COL23A1: variants seen among roughly 807,000 people sequenced by gnomAD.
COL23A1 encodes collagen alpha-1(XXIII) chain.
Under a neutral mutation model 99.3 loss-of-function variants are expected in COL23A1, and 97 were observed. That is an observed-to-expected ratio of 0.98 (90% confidence interval 0.83 to 1.16). COL23A1 has a LOEUF of 1.16. Among genes scored for constraint, COL23A1 ranks in the 50% most tolerant of loss-of-function variants. The pLI is 0.00. For synonymous variants in COL23A1, 320 were observed against 308.2 expected (o/e 1.04, Z -0.40); for missense variants, 762 against 757.4 (o/e 1.01, Z -0.07).
intron 2 of COL23A1, among the ~76,000 whole-genome samples, chr5:178,490,487 T>C (rs1437032364): frequency 1.3e-5 from 2 of 152,136 alleles, no homozygotes; most frequent in East Asian, 3.9e-4. Flanking sequence ...GAGTTTCAGT[T>C]GCGGAAGATG....
chr5:178,381,888 G>A (rs758626216), intron 2 of COL23A1, among the ~76,000 whole-genome samples: 3 of 152,146 alleles, frequency 2.0e-5, no homozygotes, highest in South Asian at 2.1e-4. Flanking sequence ...CTTCCGCCTC[G>A]GCTTCCCAAA....
Position 178,238,734 on chromosome 5 carries a change from G to A in COL23A1, c.1621-34C>T, listed in dbSNP as rs1764235360. On this transcript the variant is annotated intron_variant, in intron 28 of 28. Transcript: ENST00000390654. The stretch of plus-strand genomic sequence containing the variant: ...GGAGGAAGAGACTGAAGGTGACGAG[G>A]AGCCCGAGAAGCTCCGCCCCCATCC... The A allele has an allele frequency of 5.6e-6, 9 of 1,612,150 alleles. No individual in the cohort carries two copies. In the East Asian group the frequency reaches 1.6e-4, roughly 28 times the overall value.
chr5:178,546,566 G>T (rs1352952130), intron 2 of COL23A1, among the ~76,000 whole-genome samples: 1 of 152,208 alleles, frequency 6.6e-6, no homozygotes, highest in Non-Finnish European at 1.5e-5. Context: ...CCGTCCCAGG[G>T]CCTGGCTGCG....
At chr5:178,473,449 T>A (rs1756865818) in intron 2 of COL23A1, among the ~76,000 whole-genome samples, 1 of 143,650 alleles carries the variant, frequency 7.0e-6, no homozygotes, top group Admixed American at 7.1e-5. Flanking sequence ...CATGAGCCAC[T>A]ACATCCGGCT....
In COL23A1 at chr5:178,553,878, G is replaced by A. The variant is rs532770440; in HGVS notation, c.361+6804C>T. On this transcript the variant is annotated intron_variant, in intron 2 of 28. Coordinates refer to ENST00000390654, the MANE Select transcript of COL23A1 (RefSeq NM_173465.4). ...TGTGTCTCTTCTCCCTTCCTCTCTG[G>A]CAGCTCCCGACTGATGGCGACGGAC... Among the ~76,000 whole-genome samples, 11 of 152,180 alleles carry A rather than the reference G, an allele frequency of 7.2e-5. 1 individual carries two copies. In the South Asian group the frequency reaches 2.3e-3, roughly 32 times the overall value.
At chr5:178,481,693 A>G (rs1757348392) in intron 2 of COL23A1, among the ~76,000 whole-genome samples, 2 of 151,996 alleles carry the variant, frequency 1.3e-5, no homozygotes, top group African/African-American at 4.8e-5. Flanking sequence ...ACCCATTAGT[A>G]TAGCTATGAT....
At chr5:178,442,138 C>G (rs1766904681) in intron 2 of COL23A1, among the ~76,000 whole-genome samples, 1 of 151,976 alleles carries the variant, frequency 6.6e-6, no homozygotes, top group Non-Finnish European at 1.5e-5. Context: ...TTCTCCTCTT[C>G]CCCTTGGCCA....
chr5:178,276,951 C>T (rs987559433), intron 5 of COL23A1, among the ~76,000 whole-genome samples: 2 of 152,198 alleles, frequency 1.3e-5, no homozygotes, highest in Non-Finnish European at 2.9e-5. Flanking sequence ...CAGAGACTTG[C>T]CCCTCATGTG....
chr5:178,359,394 G>C (rs1402335042), intron 2 of COL23A1, among the ~76,000 whole-genome samples: 1 of 152,298 alleles, frequency 6.6e-6, no homozygotes, highest in Non-Finnish European at 1.5e-5. Context: ...TGGATGTGGT[G>C]GTGGGTGCCT....
intron 2 of COL23A1, among the ~76,000 whole-genome samples, chr5:178,420,944 G>C: frequency 6.6e-6 from 1 of 151,828 alleles, no homozygotes; most frequent in Non-Finnish European, 1.5e-5. Context: ...AATAAAAACA[G>C]AATGTCTCCC....
At chr5:178,435,290 C>A (rs532812279) in intron 2 of COL23A1, among the ~76,000 whole-genome samples, 1 of 152,184 alleles carries the variant, frequency 6.6e-6, no homozygotes, top group Admixed American at 6.5e-5. Context: ...CCCAGCTGAA[C>A]GGGACTTCCT....
intron 3 of COL23A1, among the ~76,000 whole-genome samples, chr5:178,299,214 G>C (rs1017572423): frequency 6.6e-6 from 1 of 152,188 alleles, no homozygotes; most frequent in East Asian, 1.9e-4. Context: ...TAAAGGGTTT[G>C]TGAAAGATTG....
intron 3 of COL23A1, among the ~76,000 whole-genome samples, chr5:178,294,864 G>A (rs767699655): frequency 7.9e-5 from 12 of 152,318 alleles, no homozygotes; most frequent in South Asian, 2.1e-4. Context: ...AACCTAGGCC[G>A]TGTGCGGTGG....
At chr5:178,510,614 G>A (rs556599188) in intron 2 of COL23A1, among the ~76,000 whole-genome samples, 48 of 151,996 alleles carry the variant, frequency 3.2e-4, no homozygotes, top group South Asian at 1.0e-3. Flanking sequence ...ACATGTATAC[G>A]TATGTAACTA....
Position 178,572,072 on chromosome 5 carries a change from C to CAAAACAAAAAAAAA in COL23A1, c.295-11325_295-11324insTTTTTTTTTGTTTT, listed in dbSNP as rs762501300. ...GACAGAGCGAGACTCTTTCTCAAAA[C>CAAAACAAAAAAAAA]AAAAAAAAAAAAGACCTAAACTGAA... is the stretch of plus-strand genomic sequence containing the variant. On this transcript the variant is annotated intron_variant, in intron 1 of 28. Coordinates refer to ENST00000390654, the MANE Select transcript of COL23A1 (RefSeq NM_173465.4). Among the ~76,000 whole-genome samples, 4 of 109,498 alleles carry CAAAACAAAAAAAAA rather than the reference C, an allele frequency of 3.7e-5. 1 individual carries two copies. The highest frequency in any genetic ancestry group is 9.6e-5 in the Admixed American group (1 of 10,428). 71.8% of individuals were successfully genotyped at this position (109,498 alleles called of 152,430 possible).
intron 2 of COL23A1, among the ~76,000 whole-genome samples, chr5:178,393,219 T>C (rs1009261883): frequency 1.3e-5 from 2 of 152,210 alleles, no homozygotes; most frequent in African/African-American, 4.8e-5. Context: ...GGAAGGAAAT[T>C]CTGACACATG....
chr5:178,543,566 C>T (rs1054296410), intron 2 of COL23A1, among the ~76,000 whole-genome samples: 2 of 151,940 alleles, frequency 1.3e-5, no homozygotes, highest in African/African-American at 2.4e-5. Flanking sequence ...TGGAGTGAGC[C>T]CCGGGGGATT....
At chr5:178,270,436 G>T in intron 5 of COL23A1, 73 bp from the exon 6 acceptor site, 2 of 1,561,048 alleles carry the variant, frequency 1.3e-6, no homozygotes, top group Non-Finnish European at 8.8e-7. Context: ...TGACCCAGGT[G>T]CACTATTCAG....
chr5:178,326,810 C>G (rs1759695164), intron 2 of COL23A1, among the ~76,000 whole-genome samples: 1 of 152,236 alleles, frequency 6.6e-6, no homozygotes, highest in Admixed American at 6.5e-5. Context: ...ACCTCTGCCT[C>G]CTGGGTTCAA....
Sources: allele counts gnomAD v4.1 joint callset (sites outside exome capture counted in the v4.1 genomes callset), GRCh38; gene constraint gnomAD v4.1.1; transcripts MANE v1.5; gene names NCBI Gene and HGNC (gene_info 2026-07-23, HGNC 2026-07-21).